MICB: variants seen among roughly 807,000 people sequenced by gnomAD.
MICB encodes the protein MHC class I polypeptide-related sequence B.
MICB carries 27 observed loss-of-function variants against 34.3 expected under a neutral mutation model. The ratio of observed to expected loss-of-function variants is 0.79; its 90% confidence interval spans 0.58 to 1.08. The LOEUF (loss-of-function observed/expected upper bound fraction) is 1.08, where lower values mean the gene tolerates loss of function less well. Ranked by LOEUF, MICB falls within the 50% of genes least tolerant of loss-of-function variation. MICB has a pLI of 0.00. For synonymous variants in MICB, 153 were observed against 187.4 expected, an observed-to-expected ratio of 0.82 and a Z score of 1.50; for missense variants, 426 against 483.1, an observed-to-expected ratio of 0.88 and a Z score of 1.11.
intron 1 of MICB, among the ~76,000 whole-genome samples, chr6:31,504,747 C>T (rs1765206355): frequency 6.6e-6 from 1 of 151,856 alleles, no homozygotes; most frequent in African/African-American, 2.4e-5. Context: ...ACTGTCAAAC[C>T]CTATGTCATG....
At position 31,507,515 on chromosome 6, in the gene MICB, A is replaced by G. The variant is rs752936258; in HGVS notation, c.1008A>G (p.Ser336=). The G allele has an allele frequency of 1.2e-6, 2 of 1,614,186 alleles. No individual in the cohort carries two copies. The highest frequency in any genetic ancestry group is 3.3e-5 in the Admixed American group (2 of 60,030). ...TCCCTTGTTGCAAGAAGAAAACATC[A>G]GCGGCAGAGGGTCCAGGTGAGAAAA... ...LCVPCCKKKT[S]AAEGPELVSL... Residue 336 remains serine (S), a synonymous_variant, in exon 5 of 6, where the codon TCA becomes TCG. Transcript: ENST00000252229. The surrounding 1 kb of genome is among the most constrained non-coding windows in gnomAD (Gnocchi z 6.0).
chr6:31,504,421 G>A (rs112924304), intron 1 of MICB, among the ~76,000 whole-genome samples: 2,399 of 151,468 alleles, frequency 0.016, 62 homozygotes, highest in South Asian at 0.066. Flanking sequence ...CACCACACCC[G>A]GCTAATTTTT....
intron 1 of MICB, among the ~76,000 whole-genome samples, chr6:31,503,945 C>T (rs1262461378): frequency 1.4e-5 from 1 of 69,942 alleles, no homozygotes; most frequent in Non-Finnish European, 2.8e-5. Context: ...CCTTGCCAAA[C>T]TTGCTGTGTG....
chr6:31,508,300 A>T (rs894284086), intron 5 of MICB, among the ~76,000 whole-genome samples: 1 of 152,096 alleles, frequency 6.6e-6, no homozygotes, highest in African/African-American at 2.4e-5. Context: ...CTGCCTGGTA[A>T]GTTTGGAGTA....
At chr6:31,503,985 G>GTGTGTGTGTGTA (rs1562360733) in intron 1 of MICB, among the ~76,000 whole-genome samples, 2 of 148,752 alleles carry the variant, frequency 1.3e-5, no homozygotes, top group African/African-American at 5.0e-5. Flanking sequence ...GTGTGTGTGT[G>GTGTGTGTGTGTA]TGATAATAGC....
chr6:31,506,903 A>G, intron 3 of MICB, 119 bp from the exon 4 acceptor site: 1 of 1,471,110 alleles, frequency 6.8e-7, no homozygotes. Context: ...GACTTACAGA[A>G]GGTCCGGTAT....
intron 3 of MICB, 63 bp downstream of exon 3, chr6:31,506,493 A>C: frequency 6.4e-7 from 1 of 1,553,834 alleles, no homozygotes; most frequent in Non-Finnish European, 8.7e-7. Flanking sequence ...CTCGCCTCCC[A>C]GCTCTGTCCG....
intron 1 of MICB, among the ~76,000 whole-genome samples, chr6:31,501,076 A>G (rs771352662): frequency 6.6e-6 from 1 of 150,646 alleles, no homozygotes; most frequent in Non-Finnish European, 1.5e-5. Context: ...CTCTTTTGCT[A>G]CATCCTCGCC....
upstream of MICB, among the ~76,000 whole-genome samples, chr6:31,496,166 G>A (rs1764640321): frequency 6.6e-6 from 1 of 151,940 alleles, no homozygotes; most frequent in Non-Finnish European, 1.5e-5. Flanking sequence ...ATGTCCCAAT[G>A]ACTAAGAATG....
intron 1 of MICB, among the ~76,000 whole-genome samples, chr6:31,502,848 TC>T: frequency 6.6e-6 from 1 of 152,236 alleles, no homozygotes; most frequent in Admixed American, 6.5e-5. Flanking sequence ...CTTTCAGTTT[TC>T]CCCCATTCAG....
At chr6:31,504,349 C>T (rs969497692) in intron 1 of MICB, among the ~76,000 whole-genome samples, 15 of 149,354 alleles carry the variant, frequency 1.0e-4, no homozygotes, top group Non-Finnish European at 2.1e-4. Flanking sequence ...AAGCTCCGCC[C>T]GCTAGCTTCA....
chr6:31,501,162 T>A (rs1257806513), intron 1 of MICB, among the ~76,000 whole-genome samples: 3 of 152,220 alleles, frequency 2.0e-5, no homozygotes, highest in African/African-American at 7.2e-5. Context: ...GGAGTTTTGA[T>A]TTGCCTTCAT....
chr6:31,498,446 C>CTTTT (rs9279321), intron 1 of MICB, among the ~76,000 whole-genome samples, 183 bp downstream of exon 1: 1 of 89,262 alleles, frequency 1.1e-5, no homozygotes, highest in Non-Finnish European at 2.1e-5. Flanking sequence ...TCTCCCGTCT[C>CTTTT]TTTTTTTTTT....
upstream of MICB, among the ~76,000 whole-genome samples, chr6:31,496,341 T>C (rs1041385300): frequency 1.3e-5 from 2 of 151,634 alleles, no homozygotes. Flanking sequence ...CACTATCTAC[T>C]TGGGAAGATT....
chr6:31,501,168 T>C (rs1331635770), intron 1 of MICB, among the ~76,000 whole-genome samples: 1 of 152,226 alleles, frequency 6.6e-6, no homozygotes, highest in East Asian at 1.9e-4. Flanking sequence ...TTGATTTGCC[T>C]TCATCTGATG....
chr6:31,507,514 C>T lies in MICB; in HGVS notation c.1007C>T (p.Ser336Leu), dbSNP rs1187254865. Reference sequence around the variant, plus strand: ...GTCCCTTGTTGCAAGAAGAAAACATCAGCGGCAGAGGGTCCAGGTGAGAAA... The same window carrying T: ...GTCCCTTGTTGCAAGAAGAAAACATTAGCGGCAGAGGGTCCAGGTGAGAAA... ...LCVPCCKKKT[S>L]AAEGPELVSL... The change falls in exon 5 of 6, where the codon TCA becomes TTA. Residue 336 changes from serine to leucine, a missense_variant. Transcript: ENST00000252229. This position sits in a 1 kb window ranked among gnomAD's most constrained non-coding sequence, Gnocchi z 6.0. The T allele has an allele frequency of 6.2e-7, 1 of 1,614,060 alleles. No homozygotes were observed. The highest frequency in any genetic ancestry group is 8.5e-7 in the Non-Finnish European group (1 of 1,180,034).
At position 31,505,842 on chromosome 6, in the gene MICB, C is replaced by G; in HGVS notation, c.296C>G (p.Thr99Ser). The G allele has an allele frequency of 6.2e-7, 1 of 1,611,050 alleles. No individual in the cohort carries two copies. The highest frequency in any genetic ancestry group is 8.5e-7 in the Non-Finnish European group (1 of 1,178,936). ...LTENGQDLRR[T>S]LTHIKDQKGG... ...GAGAATGGGCAAGACCTCAGGAGGACCCTGACTCATATCAAGGACCAGAAA... is the reference window on the plus strand; with the variant it reads ...GAGAATGGGCAAGACCTCAGGAGGAGCCTGACTCATATCAAGGACCAGAAA... Residue 99 changes from threonine (T) to serine (S), a missense_variant, in exon 2 of 6, where the codon ACC (threonine) becomes AGC (serine). Coordinates refer to ENST00000252229, the MANE Select transcript of MICB (RefSeq NM_005931.5).
chr6:31,498,308 G>A, intron 1 of MICB, 45 bp downstream of exon 1: 1 of 1,479,310 alleles, frequency 6.8e-7, no homozygotes. Flanking sequence ...GGAGCGGCGG[G>A]GCGTTTCCGG....
chr6:31,507,465 T>TTTG lies in MICB; in HGVS notation c.961_963dup (p.Val321dup). On this transcript the variant is annotated inframe_insertion, in exon 5 of 6. Coordinates refer to ENST00000252229, the MANE Select transcript of MICB (RefSeq NM_005931.5). The surrounding 1 kb of genome is among the most constrained non-coding windows in gnomAD (Gnocchi z 6.0). ...ATATGTTTCTGCTGCTATGCCATGT[T>TTTG]TTGTTATTATTATTATTCTCTGTGT... The TTTG allele has an allele frequency of 6.2e-7, 1 of 1,614,106 alleles. No homozygotes were observed. Among genetic ancestry groups the TTTG allele is most frequent in the Non-Finnish European group, 8.5e-7 (1 of 1,179,996 alleles).
Sources: allele counts gnomAD v4.1 joint callset (sites outside exome capture counted in the v4.1 genomes callset), GRCh38; gene constraint gnomAD v4.1.1; non-coding constraint Gnocchi (gnomAD v3.1); transcripts MANE v1.5; gene names NCBI Gene and HGNC (gene_info 2026-07-23, HGNC 2026-07-21).